FTO: variants seen among roughly 807,000 people sequenced by gnomAD.
FTO encodes alpha-ketoglutarate-dependent dioxygenase FTO.
In FTO, 47 loss-of-function variants were observed where a neutral mutation model predicts 63.9. The ratio of observed to expected loss-of-function variants is 0.74; its 90% CI spans 0.58 to 0.94. The LOEUF (loss-of-function observed/expected upper bound fraction) is 0.94. Among genes scored for constraint, FTO ranks in the 40% least tolerant of loss-of-function variants. The pLI, the probability that FTO is intolerant of heterozygous loss-of-function variation, is 0.00. For synonymous variants in FTO, 207 were observed against 224.4 expected, an observed-to-expected ratio of 0.92 and a Z score of 0.69; for missense variants, 562 against 618.1, an observed-to-expected ratio of 0.91 and a Z score of 0.96.
At chr16:53,767,125 C>T (rs1316907189) in intron 1 of FTO, among the ~76,000 whole-genome samples, 1 of 152,312 alleles carries the variant, frequency 6.6e-6, no homozygotes, top group East Asian at 1.9e-4. Flanking sequence ...GGCCAGGCCT[C>T]TGTGCTGACC....
chr16:53,857,468 T>TATATA (rs34270264), intron 4 of FTO, among the ~76,000 whole-genome samples: 5 of 124,870 alleles, frequency 4.0e-5, no homozygotes, highest in South Asian at 2.3e-4. Flanking sequence ...CTCTCTCTCT[T>TATATA]TCTATATATA....
chr16:53,864,191 G>T (rs2080247707), intron 4 of FTO, among the ~76,000 whole-genome samples: 1 of 152,194 alleles, frequency 6.6e-6, no homozygotes, highest in African/African-American at 2.4e-5. Context: ...AGAATGAAAA[G>T]CTTCAGTGAT....
At chr16:53,733,013 A>T (rs547444349) in intron 1 of FTO, among the ~76,000 whole-genome samples, 20 of 152,196 alleles carry the variant, frequency 1.3e-4, no homozygotes, top group Non-Finnish European at 5.9e-5. Flanking sequence ...AAGACCTCAA[A>T]CCATAGAGGG....
intron 8 of FTO, among the ~76,000 whole-genome samples, chr16:54,074,513 C>T (rs1447435246): frequency 6.6e-6 from 1 of 152,144 alleles, no homozygotes; most frequent in Non-Finnish European, 1.5e-5. Context: ...TTTTCACTTA[C>T]TATATCATAA....
intron 1 of FTO, among the ~76,000 whole-genome samples, chr16:53,749,296 G>A (rs757357977): frequency 6.6e-6 from 1 of 151,834 alleles, no homozygotes; most frequent in Non-Finnish European, 1.5e-5. Context: ...TTTCCTATTT[G>A]GATGCTTTTT....
At chr16:53,880,084 T>A in intron 6 of FTO, 97 bp downstream of exon 6, 1 of 883,206 alleles carries the variant, frequency 1.1e-6, no homozygotes, top group Non-Finnish European at 1.8e-6. Context: ...AACCTCCATC[T>A]CCCAGGTTCA....
At chr16:53,846,510 T>A (rs945007279) in intron 4 of FTO, among the ~76,000 whole-genome samples, 1 of 152,118 alleles carries the variant, frequency 6.6e-6, no homozygotes, top group African/African-American at 2.4e-5. Context: ...TTTTTAAAAA[T>A]ATAAAAGTGG....
At chr16:53,993,515 G>A (rs755374293) in intron 8 of FTO, 10 of 152,190 alleles carry the variant, frequency 6.6e-5, no homozygotes, top group Non-Finnish European at 1.2e-4. Context: ...CCGTGAATAT[G>A]AAATACAGTG....
At chr16:53,860,652 G>C (rs1045361149) in intron 4 of FTO, among the ~76,000 whole-genome samples, 4 of 152,034 alleles carry the variant, frequency 2.6e-5, no homozygotes, top group Admixed American at 2.0e-4. Context: ...ACCTGATCTT[G>C]TGAGAACTCA....
intron 7 of FTO, among the ~76,000 whole-genome samples, chr16:53,914,091 A>G (rs1020922522): frequency 1.3e-5 from 2 of 151,868 alleles, no homozygotes; most frequent in Admixed American, 6.6e-5. Context: ...ATCACTTCCC[A>G]GGGACTCTCT....
intron 8 of FTO, among the ~76,000 whole-genome samples, chr16:53,977,359 A>G (rs2083454694): frequency 6.6e-6 from 1 of 152,158 alleles, no homozygotes. Flanking sequence ...GAGGTAATAT[A>G]TGCAGGAACT....
intron 1 of FTO, among the ~76,000 whole-genome samples, chr16:53,787,724 A>AGC (rs2077788582): frequency 6.6e-6 from 1 of 152,156 alleles, no homozygotes; most frequent in Non-Finnish European, 1.5e-5. Context: ...TAGACTGTGT[A>AGC]GCATGTCCCT....
intron 1 of FTO, among the ~76,000 whole-genome samples, chr16:53,776,497 T>C (rs1280681075): frequency 6.6e-6 from 1 of 152,220 alleles, no homozygotes; most frequent in Non-Finnish European, 1.5e-5. Context: ...AACCCTTTTA[T>C]ACTCCTAAAA....
chr16:54,102,752 T>C (rs2086665287), intron 8 of FTO, among the ~76,000 whole-genome samples: 1 of 152,190 alleles, frequency 6.6e-6, no homozygotes, highest in Non-Finnish European at 1.5e-5. Context: ...CCGCCTGCAC[T>C]GTCTCCTTCT....
At chr16:53,894,408 T>G (rs904943786) in intron 7 of FTO, among the ~76,000 whole-genome samples, 6 of 152,230 alleles carry the variant, frequency 3.9e-5, no homozygotes, top group African/African-American at 1.4e-4. Context: ...CACAGTGCTT[T>G]AGATTAAATT....
chr16:53,968,576 A>T lies in FTO; in HGVS notation c.1364+34467A>T, dbSNP rs576058243. Among the ~76,000 whole-genome samples the T allele has an allele frequency of 3.3e-5, 5 of 152,316 alleles. No individual in the cohort carries two copies. In the East Asian group the frequency reaches 9.6e-4, roughly 29 times the overall value. ...CTAAGAGCCTTTTCCCCAGCAGGAC[A>T]TTAATAGACATTAACACTCTCGGAC... On this transcript the variant is annotated intron_variant, in intron 8 of 8. Transcript: ENST00000471389.
intron 4 of FTO, among the ~76,000 whole-genome samples, chr16:53,853,031 G>A (rs528545751): frequency 4.4e-4 from 67 of 152,298 alleles, no homozygotes; most frequent in African/African-American, 1.5e-3. Context: ...GGTGGCTCAC[G>A]CCTGTAATCC....
chr16:53,990,078 G>C (rs545806738), intron 8 of FTO, among the ~76,000 whole-genome samples: 7 of 152,084 alleles, frequency 4.6e-5, no homozygotes, highest in Admixed American at 3.9e-4. Flanking sequence ...CCGGTCAACA[G>C]CAAGCTATTA....
At chr16:53,831,995 A>G (rs2079157820) in intron 3 of FTO, among the ~76,000 whole-genome samples, 1 of 152,230 alleles carries the variant, frequency 6.6e-6, no homozygotes, top group Non-Finnish European at 1.5e-5. Context: ...AAGGGAAGCA[A>G]CACCAGAAAC....
Sources: gnomAD v4.1 joint callset for allele counts (sites outside exome capture counted in the v4.1 genomes callset) on GRCh38, gnomAD v4.1.1 for gene constraint, MANE v1.5 for transcripts, NCBI Gene and HGNC (gene_info 2026-07-23, HGNC 2026-07-21) for gene names.